Variants in MAML2 observed in about 807,000 individuals in gnomAD.
MAML2 encodes the protein mastermind-like protein 2.
In MAML2, 22 loss-of-function variants were observed where a neutral mutation model predicts 96.1. The observed-to-expected ratio is 0.23, with a 90% CI of 0.16 to 0.33. MAML2 has a LOEUF of 0.33. Ranked by LOEUF, MAML2 falls within the 10% of genes least tolerant of loss-of-function variation. MAML2 has a pLI of 1.00. For missense variants in MAML2, 1,367 were observed against 1,392.4 expected, an observed-to-expected ratio of 0.98 and a Z score of 0.29; for synonymous variants, 561 against 521.3, an observed-to-expected ratio of 1.08 and a Z score of -1.04.
chr11:95,983,140 G>A (rs1857767608), intron 4 of MAML2, among the ~76,000 whole-genome samples: 2 of 152,078 alleles, frequency 1.3e-5, no homozygotes, highest in Admixed American at 6.5e-5. Context: ...ACAGCTCCAT[G>A]TGTGTTATTG....
At chr11:96,294,091 C>T (rs975683172) in intron 1 of MAML2, among the ~76,000 whole-genome samples, 20 of 152,192 alleles carry the variant, frequency 1.3e-4, no homozygotes, top group Admixed American at 1.0e-3. Context: ...ATTTTTAAAC[C>T]GTTCTTCAAA....
intron 2 of MAML2, among the ~76,000 whole-genome samples, chr11:96,057,233 A>G (rs890134462): frequency 2.6e-5 from 4 of 152,108 alleles, no homozygotes; most frequent in African/African-American, 4.8e-5. Flanking sequence ...CTGACTCTCA[A>G]ATTTATTCTC....
intron 1 of MAML2, among the ~76,000 whole-genome samples, chr11:96,231,422 T>C (rs17818737): frequency 0.079 from 11,971 of 152,232 alleles, 698 homozygotes; most frequent in Non-Finnish European, 0.11. Flanking sequence ...GCCTACGCCA[T>C]TAAGGATTTT....
At chr11:96,124,280 T>G (rs1712409371) in intron 1 of MAML2, among the ~76,000 whole-genome samples, 1 of 152,118 alleles carries the variant, frequency 6.6e-6, no homozygotes, top group South Asian at 2.1e-4. Context: ...GTGTTGGAAG[T>G]GGGAGATAGG....
chr11:96,055,926 A>C (rs1859059395), intron 2 of MAML2, among the ~76,000 whole-genome samples: 1 of 152,222 alleles, frequency 6.6e-6, no homozygotes, highest in African/African-American at 2.4e-5. Flanking sequence ...AAAGGTAAAA[A>C]ATGGCTCATT....
chr11:96,117,227 G>T (rs531071006), intron 1 of MAML2, among the ~76,000 whole-genome samples: 1 of 151,370 alleles, frequency 6.6e-6, no homozygotes, highest in Non-Finnish European at 1.5e-5. Flanking sequence ...TCCATAACTG[G>T]ATTACCTTCA....
At chr11:96,292,960 G>A (rs1863236407) in intron 1 of MAML2, among the ~76,000 whole-genome samples, 1 of 152,052 alleles carries the variant, frequency 6.6e-6, no homozygotes, top group South Asian at 2.1e-4. Flanking sequence ...TGATGTATGG[G>A]TTGATCATTG....
chr11:96,296,096 C>A (rs977977292), intron 1 of MAML2, among the ~76,000 whole-genome samples: 1 of 152,020 alleles, frequency 6.6e-6, no homozygotes, highest in Non-Finnish European at 1.5e-5. Flanking sequence ...GAGATGAGGC[C>A]TTGCTACATT....
At chr11:96,305,510 TG>T (rs1863450820) in intron 1 of MAML2, among the ~76,000 whole-genome samples, 1 of 152,222 alleles carries the variant, frequency 6.6e-6, no homozygotes. Context: ...GAACATACAC[TG>T]CTCTAAAAAA....
chr11:96,006,825 G>A lies in MAML2; in HGVS notation c.2140-15102C>T, dbSNP rs1022173604. On this transcript the variant is annotated intron_variant, in intron 2 of 4. Transcript: ENST00000524717. ...TCCGCCTGCCTCGGCCTCCCAAAGC[G>A]CTGAGATTACAGGCGTGAGCCACCA... is the stretch of plus-strand genomic sequence containing the variant. Among the ~76,000 whole-genome samples, 44 of 150,790 alleles carry A rather than the reference G, an allele frequency of 2.9e-4. 1 individual carries two copies. The highest frequency in any genetic ancestry group is 2.7e-3 in the Admixed American group (41 of 15,108).
intron 1 of MAML2, among the ~76,000 whole-genome samples, chr11:96,241,636 A>G (rs1004710092): frequency 1.3e-5 from 2 of 152,194 alleles, no homozygotes; most frequent in Non-Finnish European, 2.9e-5. Context: ...TCAACATAAC[A>G]GGTATTGCCT....
At chr11:96,176,474 G>C (rs1861389991) in intron 1 of MAML2, among the ~76,000 whole-genome samples, 1 of 152,162 alleles carries the variant, frequency 6.6e-6, no homozygotes, top group Non-Finnish European at 1.5e-5. Flanking sequence ...GTAGGAGAGA[G>C]CTAAGGTACC....
intron 4 of MAML2, among the ~76,000 whole-genome samples, chr11:95,982,465 C>T (rs940425958): frequency 6.6e-6 from 1 of 152,178 alleles, no homozygotes; most frequent in African/African-American, 2.4e-5. Context: ...CTTTCCTCTT[C>T]CTACCTGGAA....
intron 2 of MAML2, among the ~76,000 whole-genome samples, chr11:96,080,365 A>T (rs1393251415): frequency 6.6e-6 from 1 of 152,236 alleles, no homozygotes; most frequent in Non-Finnish European, 1.5e-5. Flanking sequence ...AGTGAGGGAA[A>T]AGGGGCCAGG....
At chr11:95,993,530 C>T (rs991017846) in intron 2 of MAML2, among the ~76,000 whole-genome samples, 1 of 152,224 alleles carries the variant, frequency 6.6e-6, no homozygotes, top group Non-Finnish European at 1.5e-5. Context: ...GAGATTGTGC[C>T]GCTGCACTCC....
In MAML2 at chr11:96,341,701, G is replaced by A. The variant is rs1863997173; in HGVS notation, c.195C>T (p.Ser65=). The A allele has an allele frequency of 1.2e-6, 2 of 1,609,482 alleles. No individual in the cohort carries two copies. Among genetic ancestry groups the A allele is most frequent in the Admixed American group, 1.7e-5 (1 of 59,454 alleles). The change falls in exon 1 of 5, where the codon AGC becomes AGT. Residue 65 remains serine (S), a synonymous_variant. Coordinates refer to ENST00000524717, the MANE Select transcript of MAML2 (RefSeq NM_032427.4). ...AGGTGCTTTCTCTTTCCCGGTCTGAGCTCTCGGCCCTACCTCGTTCATATC... is the reference window on the plus strand; with the variant it reads ...AGGTGCTTTCTCTTTCCCGGTCTGAACTCTCGGCCCTACCTCGTTCATATC... ...EGRYERGRAE[S]SDRERESTLQ...
chr11:96,029,067 T>C (rs575663316), intron 2 of MAML2, among the ~76,000 whole-genome samples: 1 of 152,248 alleles, frequency 6.6e-6, no homozygotes, highest in African/African-American at 2.4e-5. Context: ...GAACTGAATT[T>C]TACATTTTTA....
At chr11:96,134,009 A>G (rs1004001962) in intron 1 of MAML2, among the ~76,000 whole-genome samples, 1 of 152,222 alleles carries the variant, frequency 6.6e-6, no homozygotes, top group Non-Finnish European at 1.5e-5. Flanking sequence ...AAAGAAAAAA[A>G]AAAGAAAACA....
chr11:96,264,638 A>G (rs1282887955), intron 1 of MAML2, among the ~76,000 whole-genome samples: 1 of 152,028 alleles, frequency 6.6e-6, no homozygotes, highest in Non-Finnish European at 1.5e-5. Flanking sequence ...CATCCACTCT[A>G]CCGTACTGGT....
Sources: gnomAD v4.1 joint callset for allele counts (sites outside exome capture counted in the v4.1 genomes callset) on GRCh38, gnomAD v4.1.1 for gene constraint, MANE v1.5 for transcripts, NCBI Gene and HGNC (gene_info 2026-07-23, HGNC 2026-07-21) for gene names.